Variants in TBC1D14 observed in about 807,000 individuals in gnomAD.
TBC1D14 encodes the protein TBC1 domain family, member 14.
Under a neutral mutation model 79.0 loss-of-function variants are expected in TBC1D14, and 26 were observed. That is an observed-to-expected ratio of 0.33 (90% CI 0.24 to 0.46). The LOEUF is 0.46. Among genes scored for constraint, TBC1D14 ranks in the 20% least tolerant of loss-of-function variants. TBC1D14 has a pLI of 1.00. For missense variants in TBC1D14, 769 were observed against 887.6 expected, an observed-to-expected ratio of 0.87 and a Z score of 1.70; for synonymous variants, 394 against 349.9, an observed-to-expected ratio of 1.13 and a Z score of -1.40.
intron 3 of TBC1D14, among the ~76,000 whole-genome samples, chr4:6,977,212 A>G (rs1392898317): frequency 7.2e-5 from 10 of 139,370 alleles, no homozygotes; most frequent in South Asian, 2.5e-4. Flanking sequence ...GCTCACTGCA[A>G]CCTCCCTGCC....
At chr4:6,941,481 G>A (rs568947884) in intron 2 of TBC1D14, among the ~76,000 whole-genome samples, 55 of 152,214 alleles carry the variant, frequency 3.6e-4, no homozygotes, top group South Asian at 2.5e-3. Context: ...CACTGCGCCC[G>A]GCCAAAAGCA....
chr4:6,957,256 G>A (rs1369629491), intron 2 of TBC1D14, among the ~76,000 whole-genome samples: 2 of 152,242 alleles, frequency 1.3e-5, no homozygotes, highest in African/African-American at 4.8e-5. Context: ...CTGACCTAAT[G>A]TCTAGGCTAT....
At chr4:6,952,853 T>C (rs35490604) in intron 2 of TBC1D14, among the ~76,000 whole-genome samples, 65,128 of 151,354 alleles carry the variant, frequency 0.43, 14,976 homozygotes, top group East Asian at 0.67. Flanking sequence ...GTTGTTGTTT[T>C]TGTTTTGTTT....
intron 2 of TBC1D14, among the ~76,000 whole-genome samples, chr4:6,951,261 C>T (rs1462669520): frequency 3.3e-5 from 5 of 152,178 alleles, no homozygotes; most frequent in African/African-American, 9.7e-5. Flanking sequence ...CATTGCACTC[C>T]AGCCTGGGCG....
At chr4:7,010,553 T>G (rs1212770700) in intron 10 of TBC1D14, 100 bp from the exon 11 acceptor site, 2 of 1,447,386 alleles carry the variant, frequency 1.4e-6, no homozygotes, top group Non-Finnish European at 1.9e-6. Context: ...TAGGGACACT[T>G]CTAGTGTGAG....
At chr4:6,968,262 C>T (rs1715882333) in intron 3 of TBC1D14, among the ~76,000 whole-genome samples, 1 of 152,234 alleles carries the variant, frequency 6.6e-6, no homozygotes, top group African/African-American at 2.4e-5. Flanking sequence ...AGTACCCGTG[C>T]CCAACAGTGT....
rs542254743 is a variant in TBC1D14, at chr4:6,925,473, C to T, written c.722+1362C>T. ...TGGTGTGCCGGCTGGAGTCAGCTGGCGACTCTGACTGTGGCCAACACATTA... is the reference window on the plus strand; with the variant it reads ...TGGTGTGCCGGCTGGAGTCAGCTGGTGACTCTGACTGTGGCCAACACATTA... On this transcript the variant is annotated intron_variant, in intron 2 of 13. Coordinates refer to ENST00000409757, the MANE Select transcript of TBC1D14 (RefSeq NM_020773.3). 3.3e-5 allele frequency among the ~76,000 whole-genome samples: 5 copies of T among 152,146 alleles called. No homozygotes were observed. In the East Asian group the frequency reaches 5.8e-4, roughly 18 times the overall value.
At chr4:6,952,503 T>C (rs1461804315) in intron 2 of TBC1D14, among the ~76,000 whole-genome samples, 1 of 152,262 alleles carries the variant, frequency 6.6e-6, no homozygotes, top group Non-Finnish European at 1.5e-5. Flanking sequence ...GGCCAGCTCT[T>C]GTACTTGATT....
intron 4 of TBC1D14, chr4:6,995,628 T>G: frequency 6.6e-6 from 1 of 151,736 alleles, no homozygotes; most frequent in East Asian, 1.9e-4. Flanking sequence ...TTCTCCTCCC[T>G]CAGCCTCCTG....
At chr4:7,007,083 G>A (rs1720276470) in intron 9 of TBC1D14, among the ~76,000 whole-genome samples, 1 of 152,178 alleles carries the variant, frequency 6.6e-6, no homozygotes, top group African/African-American at 2.4e-5. Flanking sequence ...AGCAGTCTGC[G>A]CTCAGCAAGG....
rs550125715 is a variant in TBC1D14, at chr4:7,030,490, C to T, written c.*98C>T. 3.7e-5 allele frequency: 47 copies of T among 1,271,654 alleles called. No individual in the cohort carries two copies. The highest frequency in any genetic ancestry group is 5.9e-5 in the African/African-American group (4 of 68,018). The allele number at this position is 1,271,654 out of a possible 1,614,324, so 78.8% of individuals were successfully genotyped here. A position where few individuals can be genotyped will look rare whatever the true frequency, so the allele number is the denominator to read the frequency against. On this transcript the variant is annotated 3_prime_UTR_variant, in exon 14 of 14. Coordinates refer to ENST00000409757, the MANE Select transcript of TBC1D14 (RefSeq NM_020773.3). The stretch of plus-strand genomic sequence containing the variant: ...CACCCGGGCAGCCGAGAAGAACAGA[C>T]GCTCTTTAAGTTTGATTCCTAACAC...
At chr4:6,959,553 G>A (rs555463403) in intron 2 of TBC1D14, among the ~76,000 whole-genome samples, 3 of 152,292 alleles carry the variant, frequency 2.0e-5, no homozygotes. Context: ...CACAGTGTGG[G>A]CAGGGGTTCG....
At chr4:6,987,914 G>A (rs1179739335) in intron 3 of TBC1D14, among the ~76,000 whole-genome samples, 2 of 152,246 alleles carry the variant, frequency 1.3e-5, no homozygotes, top group Non-Finnish European at 2.9e-5. Context: ...GGACTCCTGA[G>A]AGTGCTTCCC....
Position 6,987,358 on chromosome 4 carries a change from G to A in TBC1D14, c.844-6826G>A, listed in dbSNP as rs1016752074. On this transcript the variant is annotated intron_variant, in intron 3 of 13. Coordinates refer to ENST00000409757, the MANE Select transcript of TBC1D14 (RefSeq NM_020773.3). The stretch of plus-strand genomic sequence containing the variant: ...AGGCCCCGGCGTTCATGGTGAGTCG[G>A]GGTGCGGGCCGGTGCCTCTCCCTGC... 4 of 1,423,990 alleles carry A rather than the reference G, an allele frequency of 2.8e-6. No homozygotes were observed. The African/African-American group carries it at 5.9e-5, about 21-fold the overall frequency. 88.2% of individuals were successfully genotyped at this position (1,423,990 alleles called of 1,614,324 possible).
At chr4:7,025,439 G>T (rs1030692247) in intron 13 of TBC1D14, among the ~76,000 whole-genome samples, 177 bp downstream of exon 13, 17 of 151,048 alleles carry the variant, frequency 1.1e-4, no homozygotes, top group African/African-American at 4.1e-4. Flanking sequence ...TCGGCGGGTC[G>T]CCTCCTCTTT....
chr4:6,990,921 C>T (rs1479183081), intron 3 of TBC1D14, among the ~76,000 whole-genome samples: 10 of 152,190 alleles, frequency 6.6e-5, no homozygotes, highest in Non-Finnish European at 4.4e-5. Context: ...TTCTTCCCTC[C>T]GGGATCCTGG....
intron 2 of TBC1D14, among the ~76,000 whole-genome samples, chr4:6,966,935 G>T (rs1168815410): frequency 1.3e-5 from 2 of 152,040 alleles, no homozygotes; most frequent in Non-Finnish European, 2.9e-5. Context: ...TCAGCCTCCC[G>T]AGTAGCTGGG....
At chr4:7,027,524 A>C (rs921954438) in intron 13 of TBC1D14, among the ~76,000 whole-genome samples, 14 of 141,232 alleles carry the variant, frequency 9.9e-5, no homozygotes, top group East Asian at 9.2e-4. Context: ...CAGTCACCCC[A>C]CACACACATC....
intron 3 of TBC1D14, among the ~76,000 whole-genome samples, chr4:6,981,805 G>GA (rs1717399314): frequency 3.3e-5 from 5 of 152,204 alleles, no homozygotes; most frequent in Non-Finnish European, 2.9e-5. Context: ...AAAAGCATTT[G>GA]ATAGAATTCA....
Sources: allele counts gnomAD v4.1 joint callset (sites outside exome capture counted in the v4.1 genomes callset), GRCh38; gene constraint gnomAD v4.1.1; transcripts MANE v1.5; gene names NCBI Gene and HGNC (gene_info 2026-07-23, HGNC 2026-07-21).